The following ACTN1 variants were observed in gnomAD, a reference collection of about 807,000 sequenced individuals.
ACTN1 encodes the protein actinin alpha 1, also known as alpha-actinin-1.
In ACTN1, 30 loss-of-function variants were observed where a neutral mutation model predicts 119.6. That is an observed-to-expected ratio of 0.25 (90% CI 0.19 to 0.34). ACTN1 has a LOEUF of 0.34. Ranked by LOEUF, ACTN1 falls within the 10% of genes least tolerant of loss-of-function variation. The pLI is 1.00. For missense variants in ACTN1, 764 were observed against 1,223.4 expected, an observed-to-expected ratio of 0.62 and a Z score of 5.60; for synonymous variants, 429 against 472.6, an observed-to-expected ratio of 0.91 and a Z score of 1.20.
chr14:68,913,617 C>A (rs1165157293), intron 3 of ACTN1, among the ~76,000 whole-genome samples: 2 of 152,156 alleles, frequency 1.3e-5, no homozygotes, highest in African/African-American at 4.8e-5. Context: ...CGGGTGTAGT[C>A]CATGGAGCAG....
intron 7 of ACTN1, among the ~76,000 whole-genome samples, chr14:68,903,491 C>T (rs966382360): frequency 6.6e-6 from 1 of 150,870 alleles, no homozygotes; most frequent in Admixed American, 6.6e-5. Flanking sequence ...GAGCGGAGAT[C>T]GCACCACAGC....
chr14:68,886,792 CAAA>C (rs377762909), intron 11 of ACTN1: 3 of 143,948 alleles, frequency 2.1e-5, no homozygotes, highest in Non-Finnish European at 3.1e-5. Context: ...GACTCCGTTT[CAAA>C]AAAAAAAAAA....
intron 11 of ACTN1, chr14:68,888,343 A>G (rs967752258): frequency 1.4e-5 from 4 of 288,412 alleles, no homozygotes; most frequent in Admixed American, 4.9e-5. Context: ...CAAGGCAACG[A>G]GGTCAATCTT....
chr14:68,936,591 G>A (rs1205319975), intron 1 of ACTN1: 4 of 559,616 alleles, frequency 7.1e-6, no homozygotes, highest in Admixed American at 2.5e-5. Context: ...TGCCGATTAG[G>A]CCTAATCAAG....
intron 1 of ACTN1, among the ~76,000 whole-genome samples, chr14:68,966,677 G>T (rs2036717122): frequency 6.6e-6 from 1 of 151,994 alleles, no homozygotes; most frequent in Admixed American, 6.6e-5. Flanking sequence ...AGGCCCCACA[G>T]TTATCTAGAT....
At chr14:68,933,212 C>T (rs2140439501) in intron 1 of ACTN1, among the ~76,000 whole-genome samples, 1 of 152,268 alleles carries the variant, frequency 6.6e-6, no homozygotes, top group Non-Finnish European at 1.5e-5. Flanking sequence ...CGGCTCACTG[C>T]AACATCTGCC....
chr14:68,921,107 G>T lies in ACTN1; in HGVS notation c.239C>A (p.Pro80Gln). 1 of 1,614,100 alleles carries T rather than the reference G, an allele frequency of 6.2e-7. No individual in the cohort carries two copies. Among genetic ancestry groups the T allele is most frequent in the Non-Finnish European group, 8.5e-7 (1 of 1,179,990 alleles). ...EVISGERLAKPERGKMRVHKI... is the reference protein window; with the variant it reads ...EVISGERLAKQERGKMRVHKI... Reference sequence around the variant, plus strand: ...GTGCACTCTCATCTTGCCTCGCTCTGGCTTGGCCAAGCGTTCACCTGTTTG... The same window carrying T: ...GTGCACTCTCATCTTGCCTCGCTCTTGCTTGGCCAAGCGTTCACCTGTTTG... The change falls in exon 3 of 22, where the codon CCA becomes CAA. Residue 80 changes from proline (P) to glutamine (Q), a missense_variant. By Grantham distance (76) the Pro-to-Gln change is moderately conservative (BLOSUM62 -1). Around this residue, in one of 4 missense-constraint regions of ACTN1, gnomAD observed 54 missense variants for 153.2 expected, o/e 0.35. Transcript: ENST00000394419.
intron 1 of ACTN1, among the ~76,000 whole-genome samples, chr14:68,965,651 G>A (rs1170845338): frequency 6.6e-6 from 1 of 152,144 alleles, no homozygotes; most frequent in East Asian, 1.9e-4. Flanking sequence ...CCCCTCCCCA[G>A]GCACCTGGCC....
At chr14:68,903,236 G>A (rs936493191) in intron 7 of ACTN1, among the ~76,000 whole-genome samples, 1 of 152,078 alleles carries the variant, frequency 6.6e-6, no homozygotes, top group African/African-American at 2.4e-5. Flanking sequence ...CTTTTGCCTG[G>A]GTTTTTATGC....
chr14:68,960,808 C>T (rs1034915540), intron 1 of ACTN1, among the ~76,000 whole-genome samples: 1 of 151,514 alleles, frequency 6.6e-6, no homozygotes, highest in Admixed American at 6.6e-5. Context: ...TGTGGTGGCT[C>T]ACATTGGTAA....
In ACTN1 at chr14:68,979,040, G is replaced by A. The variant is rs2037174419; in HGVS notation, c.17C>T (p.Ser6Phe). The change falls in exon 1 of 22, where the codon TCT (serine) becomes TTT (phenylalanine). Residue 6 changes from serine to phenylalanine, a missense_variant. Physicochemically the swap from Ser to Phe is radical, Grantham distance 155. Around this residue, in one of 4 missense-constraint regions of ACTN1, gnomAD observed 64 missense variants for 80.0 expected, o/e 0.80. Coordinates refer to ENST00000394419, the MANE Select transcript of ACTN1 (RefSeq NM_001130004.2). ...CTGCATGTAATCGTTGGTTTGCTGA[G>A]AATCATAATGGTCCATGATGGTGCG... is the stretch of plus-strand genomic sequence containing the variant. The part of the protein sequence containing the change: MDHYD[S>F]QQTNDYMQPE... 1 of 1,600,028 alleles carries A rather than the reference G, an allele frequency of 6.2e-7. No individual in the cohort carries two copies. The highest frequency in any genetic ancestry group is 1.3e-5 in the African/African-American group (1 of 74,138).
intron 12 of ACTN1, 74 bp from the exon 13 acceptor site, chr14:68,884,957 GTCA>G (rs1375103863): frequency 3.1e-6 from 4 of 1,283,332 alleles, no homozygotes; most frequent in Non-Finnish European, 4.5e-6. Flanking sequence ...CTCTGAGGCT[GTCA>G]GTGGGGTGGC....
intron 3 of ACTN1, among the ~76,000 whole-genome samples, chr14:68,920,036 C>A (rs2034556372): frequency 6.6e-6 from 1 of 152,206 alleles, no homozygotes; most frequent in Non-Finnish European, 1.5e-5. Context: ...GACCCCTGCC[C>A]CCTCCAAGGG....
At chr14:68,964,934 A>C (rs1017365863) in intron 1 of ACTN1, among the ~76,000 whole-genome samples, 1 of 152,248 alleles carries the variant, frequency 6.6e-6, no homozygotes, top group South Asian at 2.1e-4. Flanking sequence ...ACTACCTCCA[A>C]CTTGGCAGGG....
Position 68,874,939 on chromosome 14 carries a change from A to C in ACTN1, c.2665T>G (p.Tyr889Asp). The C allele has an allele frequency of 6.2e-7, 1 of 1,613,218 alleles. No homozygotes were observed. Among genetic ancestry groups the C allele is most frequent in the Non-Finnish European group, 8.5e-7 (1 of 1,179,512 alleles). ...CCTGGCACGGAGTCGGGGCCGGTGTAGGGGGCCATCCGCGCGATGCAGTAC... is the reference window on the plus strand; with the variant it reads ...CCTGGCACGGAGTCGGGGCCGGTGTCGGGGGCCATCCGCGCGATGCAGTAC... Reference protein sequence around the residue: ...AEYCIARMAPYTGPDSVPGAL... With the variant: ...AEYCIARMAPDTGPDSVPGAL... Residue 889 changes from tyrosine (Y) to aspartate (D), a missense_variant, in exon 22 of 22, where the codon TAC (tyrosine) becomes GAC (aspartate). Transcript: ENST00000394419.
intron 10 of ACTN1, 66 bp downstream of exon 10, chr14:68,891,986 CA>C: frequency 6.3e-7 from 1 of 1,576,446 alleles, no homozygotes; most frequent in Non-Finnish European, 8.6e-7. Context: ...AATTTGACCA[CA>C]ACTAGGAGCA....
intron 2 of ACTN1, among the ~76,000 whole-genome samples, chr14:68,924,236 A>G (rs1370620589): frequency 6.6e-6 from 1 of 152,198 alleles, no homozygotes; most frequent in African/African-American, 2.4e-5. Flanking sequence ...ATACCGCTGA[A>G]CTGCACCCTT....
rs78230220 is a variant in ACTN1, at chr14:68,938,166, T to C, written c.106-12494A>G. Among the ~76,000 whole-genome samples, 1,006 of 152,320 alleles carry C rather than the reference T, an allele frequency of 6.6e-3. 9 individuals carry two copies. The highest frequency in any genetic ancestry group is 0.023 in the African/African-American group (946 of 41,570). On this transcript the variant is annotated intron_variant, in intron 1 of 21. Coordinates refer to ENST00000394419, the MANE Select transcript of ACTN1 (RefSeq NM_001130004.2). ...TCAAAGCCAGCCGTCAGCTGGTTCA[T>C]GCGCTGATGAAAAGCAGAGTCTTCG...
At chr14:68,927,295 C>A (rs1296683576) in intron 1 of ACTN1, among the ~76,000 whole-genome samples, 1 of 152,214 alleles carries the variant, frequency 6.6e-6, no homozygotes, top group African/African-American at 2.4e-5. Context: ...TGGACACACA[C>A]CCATAGCACC....
Sources: allele counts gnomAD v4.1 joint callset (sites outside exome capture counted in the v4.1 genomes callset), GRCh38; gene constraint gnomAD v4.1.1; regional missense constraint gnomAD v4.1.1; transcripts MANE v1.5; gene names NCBI Gene and HGNC (gene_info 2026-07-23, HGNC 2026-07-21).